Variants in CDH22 observed in about 807,000 individuals in gnomAD.
The protein encoded by CDH22 is cadherin 22.
CDH22 carries 30 observed loss-of-function variants against 58.4 expected under a neutral mutation model. The ratio of observed to expected loss-of-function variants is 0.51; its 90% confidence interval spans 0.38 to 0.70. The LOEUF (loss-of-function observed/expected upper bound fraction) is 0.70, where lower values mean the gene tolerates loss of function less well. CDH22 is among the 30% of genes least tolerant of loss of function. CDH22 has a pLI of 0.00. For missense variants in CDH22, 1,014 were observed against 1,233.9 expected, an observed-to-expected ratio of 0.82 and a Z score of 2.67; for synonymous variants, 513 against 558.2, an observed-to-expected ratio of 0.92 and a Z score of 1.14.
intron 1 of CDH22, among the ~76,000 whole-genome samples, chr20:46,282,862 C>A (rs2086557458): frequency 6.6e-6 from 1 of 152,168 alleles, no homozygotes; most frequent in Non-Finnish European, 1.5e-5. Context: ...TGTCAACTTG[C>A]TCCCTCGTCA....
At chr20:46,181,795 T>C (rs74194565) in intron 10 of CDH22, among the ~76,000 whole-genome samples, 10,289 of 37,946 alleles carry the variant, frequency 0.27, 955 homozygotes, top group South Asian at 0.39. Context: ...TTCTTTCTTT[T>C]CTCTCTCTTT....
intron 7 of CDH22, 89 bp from the exon 8 acceptor site, chr20:46,199,648 G>A: frequency 6.8e-7 from 1 of 1,480,148 alleles, no homozygotes; most frequent in Non-Finnish European, 9.1e-7. Context: ...CCAAGAGAGG[G>A]ACCGCCTGCC....
At chr20:46,201,353 C>G (rs1278849841) in intron 7 of CDH22, among the ~76,000 whole-genome samples, 2 of 152,232 alleles carry the variant, frequency 1.3e-5, no homozygotes, top group Non-Finnish European at 2.9e-5. Context: ...GCCCAGAGCC[C>G]TGAGATGACC....
At chr20:46,226,203 C>G (rs1202678498) in intron 4 of CDH22, among the ~76,000 whole-genome samples, 1 of 151,800 alleles carries the variant, frequency 6.6e-6, no homozygotes, top group Non-Finnish European at 1.5e-5. Flanking sequence ...CCTGGAATGC[C>G]CTTCTCTGAA....
chr20:46,285,427 C>T (rs1272043801), intron 1 of CDH22, among the ~76,000 whole-genome samples: 1 of 152,166 alleles, frequency 6.6e-6, no homozygotes, highest in Admixed American at 6.5e-5. Context: ...ACATTTGCAA[C>T]GTCTGGAGAC....
At chr20:46,201,020 C>T (rs1432893215) in intron 7 of CDH22, among the ~76,000 whole-genome samples, 1 of 152,242 alleles carries the variant, frequency 6.6e-6, no homozygotes, top group African/African-American at 2.4e-5. Flanking sequence ...GTTCCGCCTT[C>T]TTCCCGGGCC....
At chr20:46,183,009 T>G (rs1212328878) in intron 10 of CDH22, among the ~76,000 whole-genome samples, 4 of 149,416 alleles carry the variant, frequency 2.7e-5, no homozygotes, top group Admixed American at 6.7e-5. Context: ...GCAGCTCTGG[T>G]GCCCCCCCCT....
At chr20:46,286,716 G>A (rs577621889) in intron 1 of CDH22, among the ~76,000 whole-genome samples, 6 of 152,142 alleles carry the variant, frequency 3.9e-5, no homozygotes, top group African/African-American at 1.4e-4. Context: ...AGCCTTGCCT[G>A]GTTGCTGGGC....
chr20:46,217,135 A>T, intron 4 of CDH22, 142 bp from the exon 5 acceptor site: 2 of 705,458 alleles, frequency 2.8e-6, no homozygotes, highest in Non-Finnish European at 4.7e-6. Context: ...AAGGACATCC[A>T]CGTGTCCACC....
At chr20:46,188,497 T>A (rs2085842081) in intron 8 of CDH22, among the ~76,000 whole-genome samples, 1 of 152,116 alleles carries the variant, frequency 6.6e-6, no homozygotes, top group Non-Finnish European at 1.5e-5. Context: ...ATTGCAAAAA[T>A]TCAAAAAATT....
chr20:46,236,485 C>CTATATAAATATATAGA (rs571363482), intron 3 of CDH22, among the ~76,000 whole-genome samples: 4,993 of 134,022 alleles, frequency 0.037, 246 homozygotes, highest in African/African-American at 0.11. Context: ...TTTTATATAT[C>CTATATAAATATATAGA]TATATAAATA....
intron 1 of CDH22, among the ~76,000 whole-genome samples, chr20:46,298,803 C>A (rs1050714240): frequency 6.6e-6 from 1 of 150,592 alleles, no homozygotes; most frequent in African/African-American, 2.4e-5. Flanking sequence ...CCCAGTTCTC[C>A]CAGACACCAG....
At chr20:46,270,434 T>C (rs1174727201) in intron 1 of CDH22, among the ~76,000 whole-genome samples, 2 of 152,008 alleles carry the variant, frequency 1.3e-5, no homozygotes, top group Admixed American at 1.3e-4. Context: ...TTTTACTTTA[T>C]CCCCTCTCCT....
intron 5 of CDH22, among the ~76,000 whole-genome samples, chr20:46,215,445 G>C (rs2086077188): frequency 6.6e-6 from 1 of 152,200 alleles, no homozygotes; most frequent in South Asian, 2.1e-4. Flanking sequence ...GATGAAATTA[G>C]ACTTGTGACT....
At chr20:46,212,186 G>T (rs2086048110) in intron 6 of CDH22, among the ~76,000 whole-genome samples, 1 of 152,198 alleles carries the variant, frequency 6.6e-6, no homozygotes, top group Admixed American at 6.5e-5. Context: ...CAGGCTGATA[G>T]GCACAGATTT....
At chr20:46,206,405 T>G (rs1010310) in intron 7 of CDH22, among the ~76,000 whole-genome samples, 109,642 of 152,114 alleles carry the variant, frequency 0.72, 40,276 homozygotes, top group African/African-American at 0.84. Context: ...CCAGTGCAGA[T>G]GCTAAGAAAA....
At chr20:46,288,977 T>C (rs571375615) in intron 1 of CDH22, among the ~76,000 whole-genome samples, 1 of 152,322 alleles carries the variant, frequency 6.6e-6, no homozygotes, top group Admixed American at 6.5e-5. Flanking sequence ...CAAAATTCTT[T>C]TGGCTTCTTG....
At chr20:46,266,769 T>A (rs570731659) in intron 1 of CDH22, among the ~76,000 whole-genome samples, 1 of 152,280 alleles carries the variant, frequency 6.6e-6, no homozygotes, top group South Asian at 2.1e-4. Flanking sequence ...AAGGTCAAAC[T>A]GCAGTTCTCA....
At chr20:46,211,385 C>G (rs1292658806) in intron 6 of CDH22, among the ~76,000 whole-genome samples, 5 of 152,222 alleles carry the variant, frequency 3.3e-5, no homozygotes, top group Non-Finnish European at 7.4e-5. Context: ...CTCAGAATCC[C>G]CCACCCCCGA....
Sources: allele counts gnomAD v4.1 joint callset (sites outside exome capture counted in the v4.1 genomes callset), GRCh38; gene constraint gnomAD v4.1.1; transcripts MANE v1.5; gene names NCBI Gene and HGNC (gene_info 2026-07-23, HGNC 2026-07-21).